Variants in WNT5A observed in about 807,000 individuals in gnomAD.
WNT5A encodes the protein protein Wnt-5a.
In WNT5A, 9 loss-of-function variants were observed where a neutral mutation model predicts 42.1. The observed-to-expected ratio is 0.21, with a 90% CI of 0.13 to 0.37. WNT5A has a LOEUF of 0.37. Ranked by LOEUF, WNT5A falls within the 10% of genes least tolerant of loss-of-function variation. The pLI, the probability that WNT5A is intolerant of heterozygous loss-of-function variation, is 1.00. For synonymous variants in WNT5A, 210 were observed against 210.0 expected (o/e 1.00, Z 0.00); for missense variants, 426 against 534.0 (o/e 0.80, Z 1.99).
In WNT5A at chr3:55,467,824, C is replaced by T. The variant is rs1191346500; in HGVS notation, c.*2268G>A. On this transcript the variant is annotated 3_prime_UTR_variant, in exon 5 of 5. Transcript: ENST00000264634. ...CAACTCTCTTCATAAACATGAGTCA[C>T]TAAAAAGGAACAATCTGATTTAGCA... The T allele has an allele frequency of 6.6e-6, 1 of 152,076 alleles. No homozygotes were observed. The highest frequency in any genetic ancestry group is 1.9e-4 in the East Asian group (1 of 5,186). 9.4% of individuals were successfully genotyped at this position (152,076 alleles called of 1,614,324 possible). A position where few individuals can be genotyped will look rare whatever the true frequency, so the allele number is the denominator to read the frequency against.
At chr3:55,479,165 T>C (rs1373542844) in intron 3 of WNT5A, 149 bp downstream of exon 3, 5 of 793,366 alleles carry the variant, frequency 6.3e-6, no homozygotes, top group Non-Finnish European at 9.2e-6. Context: ...ATTAACATCA[T>C]TTGCTATAAT....
intron 4 of WNT5A, among the ~76,000 whole-genome samples, chr3:55,472,484 C>A (rs532038606): frequency 1.3e-5 from 2 of 152,300 alleles, no homozygotes; most frequent in Admixed American, 1.3e-4. Flanking sequence ...CGATACATCC[C>A]TGAAGAGGGT....
the WNT5A span, among the ~76,000 whole-genome samples, chr3:55,498,982 C>T: frequency 6.6e-6 from 1 of 152,200 alleles, no homozygotes; most frequent in Non-Finnish European, 1.5e-5. Flanking sequence ...TTAGAGCCCT[C>T]GGGTCCAATT....
chr3:55,475,803 T>C (rs2051346778), intron 3 of WNT5A, among the ~76,000 whole-genome samples: 1 of 152,196 alleles, frequency 6.6e-6, no homozygotes, highest in Admixed American at 6.5e-5. Flanking sequence ...AACTGGAGGC[T>C]ATCATAGAGT....
chr3:55,480,987 A>C (rs2051449905), intron 1 of WNT5A, 69 bp from the exon 2 acceptor site: 1 of 1,337,744 alleles, frequency 7.5e-7, no homozygotes, highest in Admixed American at 3.4e-5. Context: ...AAGTTTAAAC[A>C]ACGGAAGCAT....
chr3:55,495,045 A>C (rs1283635728), upstream of WNT5A, among the ~76,000 whole-genome samples: 1 of 152,208 alleles, frequency 6.6e-6, no homozygotes, highest in African/African-American at 2.4e-5. Context: ...CTATAAATAA[A>C]ATTGATTTAT....
chr3:55,476,889 C>G (rs1484810569), intron 3 of WNT5A, among the ~76,000 whole-genome samples: 3 of 152,090 alleles, frequency 2.0e-5, no homozygotes, highest in African/African-American at 2.4e-5. Flanking sequence ...AAAGAAGAGA[C>G]AGATGGGGAC....
the WNT5A span, among the ~76,000 whole-genome samples, chr3:55,498,817 T>C: frequency 1.3e-5 from 2 of 152,128 alleles, no homozygotes; most frequent in South Asian, 4.2e-4. Context: ...AACTTTCCTT[T>C]GAAATTTTTA....
upstream of WNT5A, chr3:55,490,479 C>T (rs1157260466): frequency 1.3e-5 from 2 of 152,248 alleles, no homozygotes; most frequent in African/African-American, 4.8e-5. Context: ...GCCTCTCAGC[C>T]AGCACTTCAG....
intron 4 of WNT5A, 45 bp downstream of exon 4, chr3:55,474,292 G>A (rs761079758): frequency 2.9e-5 from 46 of 1,609,814 alleles, no homozygotes; most frequent in Non-Finnish European, 3.8e-5. Context: ...GGAGGGCAAG[G>A]TGAGAAGACA....
Position 55,470,367 on chromosome 3 carries a change from G to A in WNT5A, c.868C>T (p.Arg290Cys). 6.2e-7 allele frequency: 1 copy of A among 1,614,002 alleles called. No homozygotes were observed. Among genetic ancestry groups the A allele is most frequent in the Non-Finnish European group, 8.5e-7 (1 of 1,179,888 alleles). ...TCTTGTGTGGTGGGCGAGTTGAAGC[G>A]GCTGTTGACCTGTACCAACTTGCCC... ...SRGKLVQVNS[R>C]FNSPTTQDLV... is the part of the protein sequence containing the mutation. Residue 290 changes from arginine to cysteine, a missense_variant, in exon 5 of 5, where the codon CGC becomes TGC. By Grantham distance (180) the Arg-to-Cys change is radical. This residue lies in a region of WNT5A where 358 missense variants were observed against 468.1 expected (regional missense o/e 0.76). Coordinates refer to ENST00000264634, the MANE Select transcript of WNT5A (RefSeq NM_003392.7).
chr3:55,501,510 C>T, the WNT5A span: 1 of 152,182 alleles, frequency 6.6e-6, no homozygotes, highest in Admixed American at 6.6e-5. Flanking sequence ...GTTTAGGGAG[C>T]ATCTTGAAAT....
chr3:55,487,928 C>G (rs376723624), upstream of WNT5A: 7 of 152,402 alleles, frequency 4.6e-5, no homozygotes, highest in South Asian at 2.1e-4. Flanking sequence ...GGCTCCCCCC[C>G]CCCACCACGT....
chr3:55,468,270 C>T lies in WNT5A; in HGVS notation c.*1822G>A, dbSNP rs1476535039. ...ATGAACTAAGAAAAGAGAAACATTG[C>T]TGATGCTTCTGAGTTTTGAATATCT... On this transcript the variant is annotated 3_prime_UTR_variant, in exon 5 of 5. Coordinates refer to ENST00000264634, the MANE Select transcript of WNT5A (RefSeq NM_003392.7). 2 of 152,038 alleles carry T rather than the reference C, an allele frequency of 1.3e-5. No homozygotes were observed. The highest frequency in any genetic ancestry group is 2.9e-5 in the Non-Finnish European group (2 of 68,022). The allele number at this position is 152,038 out of a possible 1,614,324, so 9.4% of individuals were successfully genotyped here.
At chr3:55,473,915 G>C (rs189232457) in intron 4 of WNT5A, among the ~76,000 whole-genome samples, 1 of 152,304 alleles carries the variant, frequency 6.6e-6, no homozygotes, top group African/African-American at 2.4e-5. Flanking sequence ...GTAGCCAAAG[G>C]TACCAGGGAC....
Position 55,480,907 on chromosome 3 carries a change from T to A in WNT5A, c.18A>T (p.Gly6=), listed in dbSNP as rs543712714. 6.4e-7 allele frequency: 1 copy of A among 1,555,872 alleles called. No individual in the cohort carries two copies. Among genetic ancestry groups the A allele is most frequent in the South Asian group, 1.3e-5 (1 of 79,350 alleles). ...CCAAAGCAACTCCTGGGCTTAATATTCCAATGGACTTCTGGAGAGGGAAGA... is the reference window on the plus strand; with the variant it reads ...CCAAAGCAACTCCTGGGCTTAATATACCAATGGACTTCTGGAGAGGGAAGA... MKKSI[G]ILSPGVALGM... Residue 6 remains glycine, a synonymous_variant, in exon 2 of 5, where the codon GGA becomes GGT. Coordinates refer to ENST00000264634, the MANE Select transcript of WNT5A (RefSeq NM_003392.7).
At chr3:55,478,514 GTCAAATAGTATCCTATACTA>G (rs1421062318) in intron 3 of WNT5A, among the ~76,000 whole-genome samples, 16 of 152,206 alleles carry the variant, frequency 1.1e-4, no homozygotes, top group South Asian at 1.0e-3. Flanking sequence ...GACCACATCT[GTCAAATAGTATCCTATACTA>G]TTTAAACAAA....
intron 3 of WNT5A, among the ~76,000 whole-genome samples, chr3:55,478,450 T>C (rs1428458129): frequency 2.0e-5 from 3 of 152,172 alleles, no homozygotes; most frequent in Non-Finnish European, 4.4e-5. Flanking sequence ...TATAAGGGCT[T>C]TTTTGCATAA....
In WNT5A at chr3:55,466,068, C is replaced by T. The variant is rs1575390259; in HGVS notation, c.*4024G>A. 2 of 152,208 alleles carry T rather than the reference C, an allele frequency of 1.3e-5. No homozygotes were observed. Among genetic ancestry groups the T allele is most frequent in the Admixed American group, 1.3e-4 (2 of 15,280 alleles). 9.4% of individuals were successfully genotyped at this position (152,208 alleles called of 1,614,324 possible). On this transcript the variant is annotated 3_prime_UTR_variant, in exon 5 of 5. Transcript: ENST00000264634. ...TAGATCATTTCTCTAAGTTTTAATT[C>T]CTATGTTTCTGAATGTTTCTTGAAT... is the stretch of plus-strand genomic sequence containing the variant.
Sources: allele counts gnomAD v4.1 joint callset (sites outside exome capture counted in the v4.1 genomes callset), GRCh38; gene constraint gnomAD v4.1.1; regional missense constraint gnomAD v4.1.1; transcripts MANE v1.5; gene names NCBI Gene and HGNC (gene_info 2026-07-23, HGNC 2026-07-21).